HIKESHI: variants seen among roughly 807,000 people sequenced by gnomAD.
HIKESHI encodes protein Hikeshi.
In HIKESHI, 13 loss-of-function variants were observed where a neutral mutation model predicts 25.7. That is an observed-to-expected ratio of 0.51 (90% confidence interval 0.33 to 0.80). The LOEUF (loss-of-function observed/expected upper bound fraction) is 0.80, where lower values mean the gene tolerates loss of function less well. HIKESHI is among the 30% of genes least tolerant of loss of function. HIKESHI has a pLI of 0.02. For synonymous variants in HIKESHI, 76 were observed against 78.7 expected (o/e 0.97, Z 0.18); for missense variants, 174 against 229.5 (o/e 0.76, Z 1.56).
chr11:86,343,432 T>G (rs1947787562), intron 3 of HIKESHI: 1 of 152,036 alleles, frequency 6.6e-6, no homozygotes, highest in Admixed American at 6.6e-5. Flanking sequence ...CCTAGAATTT[T>G]GAGACCAGCC....
intron 2 of HIKESHI, among the ~76,000 whole-genome samples, chr11:86,311,190 T>C (rs946155230): frequency 1.3e-5 from 2 of 152,222 alleles, no homozygotes; most frequent in East Asian, 1.9e-4. Flanking sequence ...CGTGTGGTCC[T>C]GGACTTTTTT....
At chr11:86,307,823 A>G (rs1946688814) in intron 2 of HIKESHI, among the ~76,000 whole-genome samples, 1 of 118,612 alleles carries the variant, frequency 8.4e-6, no homozygotes, top group Non-Finnish European at 1.6e-5. Context: ...TATTATGTGT[A>G]ATATACATTA....
intron 2 of HIKESHI, among the ~76,000 whole-genome samples, chr11:86,316,592 GC>G (rs1946985405): frequency 1.3e-5 from 2 of 151,834 alleles, no homozygotes; most frequent in African/African-American, 4.8e-5. Flanking sequence ...AGAAAATAAG[GC>G]ATTGGAAATA....
intron 2 of HIKESHI, among the ~76,000 whole-genome samples, chr11:86,335,652 T>A (rs1460870440): frequency 3.3e-5 from 5 of 152,152 alleles, no homozygotes; most frequent in Admixed American, 6.5e-5. Context: ...TTGCAGAGGT[T>A]TAAGGAAATT....
chr11:86,319,070 C>A (rs1463936477), intron 2 of HIKESHI, among the ~76,000 whole-genome samples: 1 of 151,484 alleles, frequency 6.6e-6, no homozygotes, highest in Admixed American at 6.6e-5. Flanking sequence ...GTATGCACCA[C>A]CACTTTGGCT....
At chr11:86,302,505 G>A (rs1022324301) in intron 1 of HIKESHI, 27 bp downstream of exon 1, 1 of 1,555,932 alleles carries the variant, frequency 6.4e-7, no homozygotes, top group Non-Finnish European at 8.7e-7. Flanking sequence ...GTGATATCAG[G>A]AAGGGGTCAG....
At chr11:86,324,941 G>C (rs1038956617) in intron 2 of HIKESHI, among the ~76,000 whole-genome samples, 8 of 152,242 alleles carry the variant, frequency 5.3e-5, no homozygotes, top group Admixed American at 5.2e-4. Context: ...CACTTCGGGA[G>C]GTTGAGGTGG....
chr11:86,334,883 T>A (rs944007582), intron 2 of HIKESHI, among the ~76,000 whole-genome samples: 2 of 152,196 alleles, frequency 1.3e-5, no homozygotes, highest in African/African-American at 4.8e-5. Flanking sequence ...CAAGCAGTCC[T>A]CCTGCCTCAG....
intron 2 of HIKESHI, among the ~76,000 whole-genome samples, chr11:86,334,355 G>A (rs926257729): frequency 6.6e-6 from 1 of 151,248 alleles, no homozygotes; most frequent in African/African-American, 2.4e-5. Flanking sequence ...GCTCCCTGTA[G>A]GAATTTTTCC....
intron 2 of HIKESHI, among the ~76,000 whole-genome samples, chr11:86,327,654 A>G (rs1733712924): frequency 6.6e-6 from 1 of 152,024 alleles, no homozygotes; most frequent in African/African-American, 2.4e-5. Flanking sequence ...AGGGAAGTTA[A>G]TTTTTTTGCT....
rs772289693 is a variant in HIKESHI at position 86,331,972 on chromosome 11, GTTTTC to G, written c.269-5397_269-5393del. 5.0e-3 allele frequency among the ~76,000 whole-genome samples: 721 copies of G among 144,068 alleles called. 2 individuals are homozygous for G. Among genetic ancestry groups the G allele is most frequent in the South Asian group, 0.013 (59 of 4,588 alleles). The allele number at this position is 144,068 out of a possible 152,430, so 94.5% of individuals were successfully genotyped here. ...TGAATTCCTTCCTTTTGCCATAACT[GTTTTC>G]TTTTCTTTTTTTTTTTTTTTTGCGA... On this transcript the variant is annotated intron_variant, in intron 2 of 4. Transcript: ENST00000278483.
chr11:86,308,753 T>G (rs975865218), intron 2 of HIKESHI, among the ~76,000 whole-genome samples: 4 of 152,108 alleles, frequency 2.6e-5, no homozygotes, highest in African/African-American at 9.6e-5. Context: ...CGGTGTGTGA[T>G]GTTCCCCTTC....
At chr11:86,337,308 T>TA in intron 2 of HIKESHI, 71 bp from the exon 3 acceptor site, 1 of 1,438,348 alleles carries the variant, frequency 7.0e-7, no homozygotes, top group Non-Finnish European at 9.4e-7. Flanking sequence ...AGGTTCTTTA[T>TA]AAATTTACAA....
In HIKESHI at chr11:86,344,709, T is replaced by C; in HGVS notation, c.527T>C (p.Val176Ala). The C allele has an allele frequency of 6.2e-7, 1 of 1,604,426 alleles. No individual in the cohort carries two copies. The highest frequency in any genetic ancestry group is 8.5e-7 in the Non-Finnish European group (1 of 1,171,258). Residue 176 changes from valine (V) to alanine (A), a missense_variant, in exon 4 of 5, where the codon GTG becomes GCG. Transcript: ENST00000278483. Reference protein sequence around the residue: ...SPSEMFIPANVVLKWYENFQR... With the variant: ...SPSEMFIPANAVLKWYENFQR... ...TCTGAAATGTTCATTCCGGCAAATG[T>C]GGTTCTGAAATGGTATGAGGCATTT... is the stretch of plus-strand genomic sequence containing the variant.
At chr11:86,340,596 G>GT (rs1555187326) in intron 3 of HIKESHI, among the ~76,000 whole-genome samples, 1 of 151,508 alleles carries the variant, frequency 6.6e-6, no homozygotes, top group Non-Finnish European at 1.5e-5. Context: ...TTTTGATGGG[G>GT]TTGTTTTTTT....
intron 2 of HIKESHI, among the ~76,000 whole-genome samples, chr11:86,315,685 G>GAGTTTACCACTCATAT (rs1946958472): frequency 6.6e-6 from 1 of 152,070 alleles, no homozygotes. Context: ...TGAAGATGAA[G>GAGTTTACCACTCATAT]ACCATTAGCG....
At chr11:86,319,242 A>ATATATAT (rs1383589741) in intron 2 of HIKESHI, among the ~76,000 whole-genome samples, 22 of 94,944 alleles carry the variant, frequency 2.3e-4, no homozygotes, top group African/African-American at 8.8e-4. Flanking sequence ...ATATATATAT[A>ATATATAT]TTTTTTTTTT....
chr11:86,316,306 G>A (rs1329254852), intron 2 of HIKESHI, among the ~76,000 whole-genome samples: 1 of 151,800 alleles, frequency 6.6e-6, no homozygotes, highest in Non-Finnish European at 1.5e-5. Context: ...AAGGTCAGAA[G>A]TTCAAGACCA....
At chr11:86,302,816 T>G (rs1249472186) in intron 1 of HIKESHI, among the ~76,000 whole-genome samples, 5 of 152,230 alleles carry the variant, frequency 3.3e-5, no homozygotes, top group African/African-American at 1.2e-4. Context: ...TGAGATGGTC[T>G]TTATCTTTGA....
Sources: allele counts gnomAD v4.1 joint callset (sites outside exome capture counted in the v4.1 genomes callset), GRCh38; gene constraint gnomAD v4.1.1; transcripts MANE v1.5; gene names NCBI Gene and HGNC (gene_info 2026-07-23, HGNC 2026-07-21).